AGBL1: variants seen among roughly 807,000 people sequenced by gnomAD.
AGBL1 encodes the protein cytosolic carboxypeptidase 4.
In AGBL1, 130 loss-of-function variants were observed where a neutral mutation model predicts 118.9. That is an observed-to-expected ratio of 1.09 (90% CI 0.95 to 1.26). AGBL1 has a LOEUF of 1.26. AGBL1 is among the 50% of genes most tolerant of loss of function. The pLI is 0.00. For missense variants in AGBL1, 1,584 were observed against 1,298.1 expected (o/e 1.22, Z -3.38); for synonymous variants, 555 against 478.9 (o/e 1.16, Z -2.08).
intron 18 of AGBL1, among the ~76,000 whole-genome samples, chr15:86,469,767 A>G (rs1250593665): frequency 6.6e-6 from 1 of 152,148 alleles, no homozygotes; most frequent in East Asian, 1.9e-4. Context: ...GTTCAAAACT[A>G]TTCTCACTGG....
chr15:86,635,242 TCTCCTC>T (rs1405549958), intron 21 of AGBL1, among the ~76,000 whole-genome samples: 161 of 125,586 alleles, frequency 1.3e-3, no homozygotes, highest in East Asian at 7.7e-3. Flanking sequence ...ATTTCTTCTT[TCTCCTC>T]CTCCTCCCCC....
At chr15:86,766,536 T>C (rs906858284) in intron 22 of AGBL1, among the ~76,000 whole-genome samples, 2 of 151,950 alleles carry the variant, frequency 1.3e-5, no homozygotes, top group Admixed American at 1.3e-4. Context: ...TTACAAGAAA[T>C]ACAAAATTTA....
chr15:86,413,011 A>T, intron 18 of AGBL1, among the ~76,000 whole-genome samples: 1 of 152,212 alleles, frequency 6.6e-6, no homozygotes, highest in Non-Finnish European at 1.5e-5. Context: ...TAGTATTTGG[A>T]TAAAAAGAAT....
intron 22 of AGBL1, among the ~76,000 whole-genome samples, chr15:86,712,861 A>C (rs1426818136): frequency 6.6e-6 from 1 of 152,192 alleles, no homozygotes; most frequent in Non-Finnish European, 1.5e-5. Flanking sequence ...TGCTGAACAG[A>C]AGCCTTAAGC....
intron 18 of AGBL1, among the ~76,000 whole-genome samples, chr15:86,429,456 C>A (rs145996287): frequency 9.9e-4 from 151 of 152,310 alleles, no homozygotes; most frequent in Middle Eastern, 6.8e-3. Context: ...ATGCATTGAG[C>A]ATAATAGACT....
At chr15:86,198,809 C>A (rs1018972522) in intron 5 of AGBL1, among the ~76,000 whole-genome samples, 2 of 152,158 alleles carry the variant, frequency 1.3e-5, no homozygotes, top group Non-Finnish European at 2.9e-5. Flanking sequence ...TGATGTGGGA[C>A]TTCCAGCCTC....
chr15:86,240,417 G>C (rs943245882), intron 6 of AGBL1, among the ~76,000 whole-genome samples: 1 of 152,164 alleles, frequency 6.6e-6, no homozygotes. Flanking sequence ...CAGTGGTATC[G>C]TATACTGTAG....
intron 22 of AGBL1, among the ~76,000 whole-genome samples, chr15:86,716,901 A>G (rs928827651): frequency 1.3e-5 from 2 of 152,190 alleles, no homozygotes; most frequent in Non-Finnish European, 2.9e-5. Flanking sequence ...CCGGCCATTT[A>G]TTACGTATGT....
At chr15:86,238,128 G>A (rs2078583257) in intron 6 of AGBL1, among the ~76,000 whole-genome samples, 1 of 152,076 alleles carries the variant, frequency 6.6e-6, no homozygotes, top group African/African-American at 2.4e-5. Flanking sequence ...TCACTCTAGT[G>A]CCACTGTTTT....
chr15:86,939,431 G>A (rs1027991551), intron 23 of AGBL1, among the ~76,000 whole-genome samples: 9 of 152,148 alleles, frequency 5.9e-5, no homozygotes, highest in African/African-American at 1.9e-4. Context: ...GGGCCCTCAG[G>A]CCTTCCGCCA....
At chr15:86,824,518 A>T (rs2078981418) in intron 22 of AGBL1, among the ~76,000 whole-genome samples, 2 of 151,022 alleles carry the variant, frequency 1.3e-5, no homozygotes, top group South Asian at 4.2e-4. Context: ...CTCCAAATTG[A>T]TCTATAGGCT....
chr15:86,365,805 T>C (rs1044273325), intron 17 of AGBL1, among the ~76,000 whole-genome samples: 1 of 152,176 alleles, frequency 6.6e-6, no homozygotes, highest in Non-Finnish European at 1.5e-5. Context: ...AAGGGAGTGA[T>C]AAATATCAAA....
intron 24 of AGBL1, among the ~76,000 whole-genome samples, chr15:87,002,454 A>G (rs948983286): frequency 5.9e-5 from 9 of 151,934 alleles, no homozygotes; most frequent in African/African-American, 1.4e-4. Flanking sequence ...TTGACTTGGC[A>G]ATGTGGGCTC....
At position 86,915,456 on chromosome 15, in the gene AGBL1, T is replaced by G. The variant is rs2080407787; in HGVS notation, c.*8162T>G. On this transcript the variant is annotated 3_prime_UTR_variant, in exon 23 of 23. Coordinates refer to ENST00000614907, the MANE Select transcript of AGBL1 (RefSeq NM_001386094.1). Reference sequence around the variant, plus strand: ...TTACTTTCAATTCTCAGAAAGCACCTTACTCTTCTGTTCCCTCTTCTTCCA... The same window carrying G: ...TTACTTTCAATTCTCAGAAAGCACCGTACTCTTCTGTTCCCTCTTCTTCCA... The G allele has an allele frequency of 6.6e-6, 1 of 152,222 alleles. No homozygotes were observed. The highest frequency in any genetic ancestry group is 2.4e-5 in the African/African-American group (1 of 41,442). The allele number at this position is 152,222 out of a possible 1,614,324, so 9.4% of individuals were successfully genotyped here.
intron 23 of AGBL1, among the ~76,000 whole-genome samples, chr15:86,965,709 T>G (rs1311872764): frequency 1.3e-5 from 2 of 152,196 alleles, no homozygotes; most frequent in East Asian, 3.9e-4. Context: ...TGCAGGGACA[T>G]GGATGAAGCT....
intron 18 of AGBL1, among the ~76,000 whole-genome samples, chr15:86,401,180 G>A (rs1407282973): frequency 6.6e-6 from 1 of 152,008 alleles, no homozygotes; most frequent in Non-Finnish European, 1.5e-5. Flanking sequence ...ATCTCATTGT[G>A]GTTTTAATTT....
intron 18 of AGBL1, among the ~76,000 whole-genome samples, chr15:86,413,354 A>G (rs1054415439): frequency 2.6e-5 from 4 of 152,176 alleles, no homozygotes; most frequent in Admixed American, 2.6e-4. Context: ...TAATATTATG[A>G]CATTTGGGAA....
intron 23 of AGBL1, among the ~76,000 whole-genome samples, chr15:86,968,961 G>A (rs1433447): frequency 0.25 from 38,546 of 151,518 alleles, 5,676 homozygotes; most frequent in African/African-American, 0.38. Flanking sequence ...TAACCTTGTC[G>A]CCACACAAAG....
intron 1 of AGBL1, among the ~76,000 whole-genome samples, chr15:86,122,958 G>C (rs1468941684): frequency 6.6e-6 from 1 of 152,162 alleles, no homozygotes; most frequent in Non-Finnish European, 1.5e-5. Context: ...CTCTAGTATA[G>C]CATCACATAA....
Sources: gnomAD v4.1 joint callset for allele counts (sites outside exome capture counted in the v4.1 genomes callset) on GRCh38, gnomAD v4.1.1 for gene constraint, MANE v1.5 for transcripts, NCBI Gene and HGNC (gene_info 2026-07-23, HGNC 2026-07-21) for gene names.